Variants in CAMK2D observed in about 807,000 individuals in gnomAD.
CAMK2D encodes calcium/calmodulin dependent protein kinase II delta.
In CAMK2D, 37 loss-of-function variants were observed where a neutral mutation model predicts 84.0. That is an observed-to-expected ratio of 0.44 (90% CI 0.34 to 0.58). The LOEUF is 0.58. Ranked by LOEUF, CAMK2D falls within the 20% of genes least tolerant of loss-of-function variation. The pLI is 0.02. For missense variants in CAMK2D, 448 were observed against 652.5 expected (o/e 0.69, Z 3.41); for synonymous variants, 202 against 212.5 (o/e 0.95, Z 0.43).
chr4:113,588,116 A>C (rs1398795235), intron 4 of CAMK2D, among the ~76,000 whole-genome samples: 4 of 152,180 alleles, frequency 2.6e-5, no homozygotes, highest in Non-Finnish European at 5.9e-5. Context: ...ACCACTGAGA[A>C]AATATATTAA....
intron 4 of CAMK2D, among the ~76,000 whole-genome samples, chr4:113,605,464 C>T (rs910877388): frequency 2.0e-5 from 3 of 152,164 alleles, no homozygotes; most frequent in African/African-American, 4.8e-5. Context: ...AAAAGTGTTT[C>T]CTCCCTGACC....
chr4:113,473,108 A>G (rs1057260556), intron 16 of CAMK2D, among the ~76,000 whole-genome samples: 6 of 152,204 alleles, frequency 3.9e-5, no homozygotes, highest in South Asian at 4.1e-4. Flanking sequence ...TAAATGAACC[A>G]CCTAAATGCC....
chr4:113,582,341 T>C (rs1313828866), intron 4 of CAMK2D, among the ~76,000 whole-genome samples: 1 of 152,232 alleles, frequency 6.6e-6, no homozygotes. Flanking sequence ...GACACACGTT[T>C]CTATTTAGCA....
chr4:113,546,158 T>G (rs183368870), intron 6 of CAMK2D, among the ~76,000 whole-genome samples: 12 of 152,298 alleles, frequency 7.9e-5, no homozygotes, highest in African/African-American at 2.9e-4. Context: ...AATAATAAAT[T>G]TATAGAAGTG....
intron 2 of CAMK2D, among the ~76,000 whole-genome samples, chr4:113,664,837 C>G (rs1470200134): frequency 1.3e-5 from 2 of 148,846 alleles, no homozygotes; most frequent in African/African-American, 2.5e-5. Flanking sequence ...GAGTTTTGCT[C>G]TTGTCAACCA....
At chr4:113,687,275 C>A (rs2099362773) in intron 2 of CAMK2D, among the ~76,000 whole-genome samples, 1 of 152,134 alleles carries the variant, frequency 6.6e-6, no homozygotes, top group Admixed American at 6.5e-5. Context: ...TATATGTTCC[C>A]AAGTAAAACC....
intron 3 of CAMK2D, among the ~76,000 whole-genome samples, chr4:113,615,659 G>GA (rs1448413963): frequency 6.6e-6 from 1 of 151,960 alleles, no homozygotes; most frequent in African/African-American, 2.4e-5. Context: ...GAGTACATTA[G>GA]AAAAAATATA....
chr4:113,535,496 C>A (rs1722248707), intron 7 of CAMK2D, among the ~76,000 whole-genome samples: 1 of 152,128 alleles, frequency 6.6e-6, no homozygotes, highest in African/African-American at 2.4e-5. Context: ...AGTTATGTCC[C>A]TCTCTTCTAA....
chr4:113,506,179 G>A (rs1171914081), intron 13 of CAMK2D, among the ~76,000 whole-genome samples: 1 of 151,970 alleles, frequency 6.6e-6, no homozygotes, highest in Non-Finnish European at 1.5e-5. Flanking sequence ...TAATTGTTCG[G>A]GTTTTCTGGA....
intron 8 of CAMK2D, among the ~76,000 whole-genome samples, chr4:113,521,912 T>G (rs1225400668): frequency 1.3e-5 from 2 of 152,196 alleles, no homozygotes; most frequent in African/African-American, 2.4e-5. Flanking sequence ...CTCTCCATTT[T>G]ATGTTTCACA....
At chr4:113,459,571 G>T (rs2097346399) in intron 18 of CAMK2D, among the ~76,000 whole-genome samples, 1 of 151,038 alleles carries the variant, frequency 6.6e-6, no homozygotes, top group Admixed American at 6.6e-5. Flanking sequence ...AACATTTTTT[G>T]TAACTGCTTT....
intron 2 of CAMK2D, among the ~76,000 whole-genome samples, chr4:113,707,189 A>G (rs2099461966): frequency 6.6e-6 from 1 of 152,166 alleles, no homozygotes; most frequent in Non-Finnish European, 1.5e-5. Flanking sequence ...CTCTGAGGTA[A>G]GTTTCTTATT....
intron 16 of CAMK2D, among the ~76,000 whole-genome samples, chr4:113,497,401 T>C (rs995693630): frequency 6.6e-6 from 1 of 152,178 alleles, no homozygotes; most frequent in African/African-American, 2.4e-5. Context: ...ACTGGGGACA[T>C]GATTTCTCAA....
chr4:113,701,608 C>T (rs1451753171), intron 2 of CAMK2D, among the ~76,000 whole-genome samples: 1 of 152,174 alleles, frequency 6.6e-6, no homozygotes, highest in Admixed American at 6.6e-5. Flanking sequence ...CCTCCCCTGC[C>T]ATTCGTCACT....
At chr4:113,570,138 T>C (rs866491656) in intron 4 of CAMK2D, among the ~76,000 whole-genome samples, 8 of 152,234 alleles carry the variant, frequency 5.3e-5, no homozygotes, top group African/African-American at 1.9e-4. Context: ...CACAAATAAA[T>C]GGAAATATAT....
chr4:113,704,344 T>C (rs2099433870), intron 2 of CAMK2D, among the ~76,000 whole-genome samples: 1 of 152,148 alleles, frequency 6.6e-6, no homozygotes, highest in Non-Finnish European at 1.5e-5. Flanking sequence ...ACTGGGATAT[T>C]CTGGCATATT....
intron 17 of CAMK2D, among the ~76,000 whole-genome samples, chr4:113,461,515 A>G (rs1241150385): frequency 2.6e-5 from 4 of 152,038 alleles, no homozygotes; most frequent in Non-Finnish European, 5.9e-5. Context: ...GGGAATGATG[A>G]CTGGTTGCTT....
At chr4:113,515,302 T>C in intron 9 of CAMK2D, 111 bp from the exon 10 acceptor site, 2 of 667,934 alleles carry the variant, frequency 3.0e-6, no homozygotes, top group Non-Finnish European at 4.9e-6. Context: ...TTCATAAATT[T>C]ACTTTTTATA....
At chr4:113,732,565 G>GT (rs2099571732) in intron 2 of CAMK2D, among the ~76,000 whole-genome samples, 1 of 152,066 alleles carries the variant, frequency 6.6e-6, no homozygotes, top group Non-Finnish European at 1.5e-5. Flanking sequence ...ATTCACTATG[G>GT]TATCAATTAC....
Sources: allele counts gnomAD v4.1 joint callset (sites outside exome capture counted in the v4.1 genomes callset), GRCh38; gene constraint gnomAD v4.1.1; transcripts MANE v1.5; gene names NCBI Gene and HGNC (gene_info 2026-07-23, HGNC 2026-07-21).